SH3RF1: variants seen among roughly 807,000 people sequenced by gnomAD.
The protein encoded by SH3RF1 is E3 ubiquitin-protein ligase SH3RF1.
A neutral mutation model predicts 74.0 loss-of-function variants in SH3RF1; 32 were observed. The ratio of observed to expected loss-of-function variants is 0.43; its 90% CI spans 0.33 to 0.58. The LOEUF (loss-of-function observed/expected upper bound fraction) is 0.58, where lower values mean the gene tolerates loss of function less well. Among genes scored for constraint, SH3RF1 ranks in the 20% least tolerant of loss-of-function variants. SH3RF1 has a pLI of 0.05. For synonymous variants in SH3RF1, 396 were observed against 439.6 expected, an observed-to-expected ratio of 0.90 and a Z score of 1.24; for missense variants, 954 against 1,130.9, an observed-to-expected ratio of 0.84 and a Z score of 2.24.
intron 2 of SH3RF1, among the ~76,000 whole-genome samples, chr4:169,235,499 G>A (rs1009967910): frequency 2.6e-5 from 4 of 152,080 alleles, no homozygotes; most frequent in Admixed American, 6.5e-5. Flanking sequence ...AGCACAGAAC[G>A]GTTAAGTAAC....
chr4:169,241,160 G>A (rs1404024004), intron 2 of SH3RF1, among the ~76,000 whole-genome samples: 2 of 152,184 alleles, frequency 1.3e-5, no homozygotes, highest in Non-Finnish European at 2.9e-5. Context: ...AACCCAGGAG[G>A]CGGAGATTGC....
rs890778134 is a variant in SH3RF1 at position 169,211,964 on chromosome 4, T to C, written c.394-55285A>G. ...CCCAAATGTAACTAATCATTTCACC[T>C]GCCATTCCATTACTTAGTTTTTTGT... is the stretch of plus-strand genomic sequence containing the variant. On this transcript the variant is annotated intron_variant, in intron 2 of 11. Coordinates refer to ENST00000284637, the MANE Select transcript of SH3RF1 (RefSeq NM_020870.4). Among the ~76,000 whole-genome samples the C allele has an allele frequency of 2.6e-5, 4 of 152,064 alleles. No individual in the cohort carries two copies. The South Asian group carries it at 8.3e-4, about 32-fold the overall frequency.
chr4:169,186,049 G>C (rs755712128), intron 2 of SH3RF1, among the ~76,000 whole-genome samples: 2 of 152,294 alleles, frequency 1.3e-5, no homozygotes, highest in Middle Eastern at 3.4e-3. Flanking sequence ...ATGGGGACTG[G>C]AGTCATTTTA....
intron 2 of SH3RF1, among the ~76,000 whole-genome samples, chr4:169,204,368 A>C (rs1399605712): frequency 1.3e-5 from 2 of 152,166 alleles, no homozygotes; most frequent in African/African-American, 4.8e-5. Context: ...CCTCAAAATC[A>C]AAACAACATA....
At chr4:169,155,606 G>C in intron 3 of SH3RF1, 31 bp from the exon 4 acceptor site, 3 of 1,470,604 alleles carry the variant, frequency 2.0e-6, no homozygotes, top group Non-Finnish European at 2.9e-6. Context: ...TAATCTACCT[G>C]ATCATTAAGC....
chr4:169,120,069 G>A (rs941305204), intron 8 of SH3RF1, among the ~76,000 whole-genome samples: 15 of 152,088 alleles, frequency 9.9e-5, no homozygotes, highest in African/African-American at 3.6e-4. Context: ...TTTGTGGGAG[G>A]CTGTCCTATG....
chr4:169,148,309 T>C (rs1733925104), intron 4 of SH3RF1, among the ~76,000 whole-genome samples: 1 of 152,200 alleles, frequency 6.6e-6, no homozygotes, highest in Non-Finnish European at 1.5e-5. Flanking sequence ...TGTGTCCCCC[T>C]GAGCAAGACA....
At chr4:169,129,059 C>A (rs999323485) in intron 6 of SH3RF1, among the ~76,000 whole-genome samples, 27 of 152,180 alleles carry the variant, frequency 1.8e-4, no homozygotes. Flanking sequence ...GGGCTTCAAA[C>A]CCTGACTGTT....
At chr4:169,157,853 G>A (rs1332196847) in intron 2 of SH3RF1, among the ~76,000 whole-genome samples, 1 of 151,620 alleles carries the variant, frequency 6.6e-6, no homozygotes, top group African/African-American at 2.4e-5. Flanking sequence ...TGATTTTAAC[G>A]CTTCAGCCTC....
At chr4:169,211,199 G>A (rs1399180023) in intron 2 of SH3RF1, among the ~76,000 whole-genome samples, 1 of 152,042 alleles carries the variant, frequency 6.6e-6, no homozygotes, top group African/African-American at 2.4e-5. Context: ...AGCCGGGCAC[G>A]GTGTTGAGCA....
At chr4:169,245,027 A>G (rs769992039) in intron 2 of SH3RF1, among the ~76,000 whole-genome samples, 5 of 152,222 alleles carry the variant, frequency 3.3e-5, no homozygotes, top group Non-Finnish European at 7.4e-5. Flanking sequence ...CGGATATTCC[A>G]TCTTAATGAT....
At chr4:169,229,042 T>C (rs1488765390) in intron 2 of SH3RF1, among the ~76,000 whole-genome samples, 4 of 152,172 alleles carry the variant, frequency 2.6e-5, no homozygotes, top group South Asian at 2.1e-4. Context: ...AAAAAAGGCA[T>C]GACAGTCTCA....
At chr4:169,248,456 G>A (rs1465659234) in intron 2 of SH3RF1, among the ~76,000 whole-genome samples, 2 of 152,094 alleles carry the variant, frequency 1.3e-5, no homozygotes, top group Non-Finnish European at 1.5e-5. Context: ...ATGGATACAG[G>A]GAGGGGAACA....
intron 2 of SH3RF1, among the ~76,000 whole-genome samples, chr4:169,190,154 C>T (rs1028634981): frequency 2.0e-5 from 3 of 152,072 alleles, no homozygotes; most frequent in Non-Finnish European, 4.4e-5. Context: ...AAGGTCACAC[C>T]TCAAGGAACC....
chr4:169,215,900 C>G (rs560974093), intron 2 of SH3RF1, among the ~76,000 whole-genome samples: 1 of 152,110 alleles, frequency 6.6e-6, no homozygotes, highest in Admixed American at 6.5e-5. Context: ...ACCTCCTGAG[C>G]TCAAACAATC....
In SH3RF1 at chr4:169,136,323, A is replaced by G; in HGVS notation, c.1063T>C (p.Ser355Pro). 7.0e-7 allele frequency: 1 copy of G among 1,426,798 alleles called. No individual in the cohort carries two copies. Among genetic ancestry groups the G allele is most frequent in the Non-Finnish European group, 9.2e-7 (1 of 1,084,218 alleles). The allele number at this position is 1,426,798 out of a possible 1,614,324, so 88.4% of individuals were successfully genotyped here. Residue 355 changes from serine to proline, a missense_variant, in exon 5 of 12, where the codon TCT becomes CCT. Around this residue, in one of 3 missense-constraint regions of SH3RF1, gnomAD observed 854 missense variants for 962.5 expected, o/e 0.89. Transcript: ENST00000284637. ...ELSGLSCSAP[S>P]QVHISTTGLI... is the part of the protein sequence containing the mutation. Reference sequence around the variant, plus strand: ...ACACTTGTTTGAGGATTTACCTGAGAAGGGGCACTGCAGGAGAGCCCAGAC... The same window carrying G: ...ACACTTGTTTGAGGATTTACCTGAGGAGGGGCACTGCAGGAGAGCCCAGAC...
intron 2 of SH3RF1, among the ~76,000 whole-genome samples, chr4:169,213,904 G>T (rs1429888752): frequency 6.6e-6 from 1 of 152,134 alleles, no homozygotes; most frequent in Non-Finnish European, 1.5e-5. Context: ...CACCACACTG[G>T]CTTGATTGCT....
chr4:169,157,532 G>T (rs543013948), intron 2 of SH3RF1, among the ~76,000 whole-genome samples: 2 of 152,054 alleles, frequency 1.3e-5, no homozygotes, highest in Non-Finnish European at 2.9e-5. Flanking sequence ...ACTTTTCAAC[G>T]GCATTGGGGG....
intron 2 of SH3RF1, among the ~76,000 whole-genome samples, chr4:169,205,619 C>T (rs757622132): frequency 3.3e-5 from 5 of 152,082 alleles, no homozygotes; most frequent in South Asian, 2.1e-4. Flanking sequence ...TTGACAAATA[C>T]GCACCTGTCA....
Sources: gnomAD v4.1 joint callset for allele counts (sites outside exome capture counted in the v4.1 genomes callset) on GRCh38, gnomAD v4.1.1 for gene constraint, gnomAD v4.1.1 regional missense constraint, MANE v1.5 for transcripts, NCBI Gene and HGNC (gene_info 2026-07-23, HGNC 2026-07-21) for gene names.